ADAT1: variants seen among roughly 807,000 people sequenced by gnomAD.
The protein encoded by ADAT1 is tRNA-specific adenosine deaminase 1.
In ADAT1, 58 loss-of-function variants were observed where a neutral mutation model predicts 58.6. The ratio of observed to expected loss-of-function variants is 0.99; its 90% CI spans 0.80 to 1.23. The LOEUF is 1.23. Ranked by LOEUF, ADAT1 falls within the 50% of genes most tolerant of loss-of-function variation. ADAT1 has a pLI of 0.00. For missense variants in ADAT1, 741 were observed against 608.6 expected, an observed-to-expected ratio of 1.22 and a Z score of -2.29; for synonymous variants, 254 against 220.8, an observed-to-expected ratio of 1.15 and a Z score of -1.33.
chr16:75,611,233 C>G (rs79136331), intron 6 of ADAT1, among the ~76,000 whole-genome samples: 1 of 152,038 alleles, frequency 6.6e-6, no homozygotes, highest in Admixed American at 6.5e-5. Context: ...AAGAAAAAAA[C>G]CACCCATAAT....
At chr16:75,617,660 TAAAA>T (rs2081778636) in intron 4 of ADAT1, among the ~76,000 whole-genome samples, 1 of 146,226 alleles carries the variant, frequency 6.8e-6, no homozygotes, top group South Asian at 2.2e-4. Flanking sequence ...TTTAGAAAAA[TAAAA>T]AAGAAAGAAG....
Position 75,620,354 on chromosome 16 carries a change from C to A in ADAT1, c.170-20G>T, listed in dbSNP as rs367737620. On this transcript the variant is annotated intron_variant, in intron 2 of 9. Transcript: ENST00000564657. Reference sequence around the variant, plus strand: ...TTGTCACTGTGGGAAAAAAACAAATCGTGTGAGTTCTGAGAAACGGAATGT... The same window carrying A: ...TTGTCACTGTGGGAAAAAAACAAATAGTGTGAGTTCTGAGAAACGGAATGT... 4 of 1,613,332 alleles carry A rather than the reference C, an allele frequency of 2.5e-6. No homozygotes were observed. The highest frequency in any genetic ancestry group is 3.4e-6 in the Non-Finnish European group (4 of 1,179,330).
intron 9 of ADAT1, chr16:75,602,039 C>T (rs1160365393): frequency 6.6e-6 from 1 of 151,946 alleles, no homozygotes; most frequent in African/African-American, 2.4e-5. Flanking sequence ...TTCTGTTTAA[C>T]CAGGTGACTC....
intron 4 of ADAT1, among the ~76,000 whole-genome samples, chr16:75,617,702 G>C: frequency 6.6e-6 from 1 of 151,312 alleles, no homozygotes; most frequent in South Asian, 2.1e-4. Context: ...TTCCACCCTA[G>C]ATATGCTGAA....
intron 8 of ADAT1, among the ~76,000 whole-genome samples, chr16:75,605,035 T>G (rs1291089585): frequency 6.6e-6 from 1 of 152,200 alleles, no homozygotes; most frequent in Non-Finnish European, 1.5e-5. Context: ...AAGACCTTTA[T>G]GATGATCCAC....
chr16:75,604,370 T>C (rs1458503035), intron 8 of ADAT1, among the ~76,000 whole-genome samples: 2 of 139,774 alleles, frequency 1.4e-5, no homozygotes, highest in Non-Finnish European at 3.0e-5. Context: ...GAGGCAGAGG[T>C]TGCAGTGAGC....
chr16:75,601,170 A>G (rs1239096158), intron 9 of ADAT1, among the ~76,000 whole-genome samples: 2 of 151,508 alleles, frequency 1.3e-5, no homozygotes, highest in South Asian at 2.1e-4. Flanking sequence ...GTGAAACCCC[A>G]TCTCTACTAA....
At chr16:75,605,937 CAA>C (rs972557653) in intron 8 of ADAT1, among the ~76,000 whole-genome samples, 14 of 75,014 alleles carry the variant, frequency 1.9e-4, no homozygotes, top group Non-Finnish European at 1.5e-4. Flanking sequence ...AACTCTGTCT[CAA>C]AAAAAAAAAA....
intron 7 of ADAT1, 53 bp from the exon 8 acceptor site, chr16:75,608,376 C>A: frequency 1.4e-6 from 2 of 1,429,106 alleles, no homozygotes; most frequent in African/African-American, 2.8e-5. Context: ...TTGTGAAAGT[C>A]AGAAGTATTT....
At chr16:75,614,801 T>TTC (rs1328664622) in intron 5 of ADAT1, among the ~76,000 whole-genome samples, 4 of 152,198 alleles carry the variant, frequency 2.6e-5, no homozygotes, top group Non-Finnish European at 4.4e-5. Context: ...CTAGGTAATG[T>TTC]TCTCTCTCTC....
rs2081090076 is a variant in ADAT1, at chr16:75,597,181, T to C, written c.*3035A>G. On this transcript the variant is annotated 3_prime_UTR_variant, in exon 10 of 10. Transcript: ENST00000564657. ...GTGACTTTAGTTGGAAATAGAGTCTTTGCAGATCTAGTTAGTTAAGATGAA... is the reference window on the plus strand; with the variant it reads ...GTGACTTTAGTTGGAAATAGAGTCTCTGCAGATCTAGTTAGTTAAGATGAA... 4.4e-6 allele frequency: 1 copy of C among 224,948 alleles called. No homozygotes were observed. The highest frequency in any genetic ancestry group is 9.2e-6 in the Non-Finnish European group (1 of 108,440). The allele number at this position is 224,948 out of a possible 1,614,324, so 13.9% of individuals were successfully genotyped here.
chr16:75,600,153 G>C lies in ADAT1; in HGVS notation c.*63C>G. On this transcript the variant is annotated 3_prime_UTR_variant, in exon 10 of 10. Coordinates refer to ENST00000564657, the MANE Select transcript of ADAT1 (RefSeq NM_001324445.2). ...TTAACTACCAAAAAAGCTAAGACTT[G>C]TCCTGCGTGGAGGAAGGCAGTTCAG... 6.2e-7 allele frequency: 1 copy of C among 1,600,766 alleles called. No individual in the cohort carries two copies. Among genetic ancestry groups the C allele is most frequent in the Non-Finnish European group, 8.5e-7 (1 of 1,171,356 alleles).
At position 75,620,864 on chromosome 16, in the gene ADAT1, C is replaced by G. The variant is rs2081912537; in HGVS notation, c.-21-44G>C. The G allele has an allele frequency of 2.6e-6, 4 of 1,539,292 alleles. No homozygotes were observed. The African/African-American group carries it at 4.1e-5, about 16-fold the overall frequency. On this transcript the variant is annotated intron_variant, in intron 1 of 9. Transcript: ENST00000564657. Reference sequence around the variant, plus strand: ...CCATCAGAAGTACGGAAAGGAGAACCAGTGCACGATGCTACAGCCTCTCAT... The same window carrying G: ...CCATCAGAAGTACGGAAAGGAGAACGAGTGCACGATGCTACAGCCTCTCAT...
At position 75,597,552 on chromosome 16, in the gene ADAT1, G is replaced by A. The variant is rs1038231866; in HGVS notation, c.*2664C>T. ...GGGTGGGGATAGGGGGATAGTTTCG[G>A]GATGACTGAAGTGAATTACATTTAC... On this transcript the variant is annotated 3_prime_UTR_variant, in exon 10 of 10. Coordinates refer to ENST00000564657, the MANE Select transcript of ADAT1 (RefSeq NM_001324445.2). 2.0e-5 allele frequency among the ~76,000 whole-genome samples: 3 copies of A among 152,138 alleles called. No homozygotes were observed. Among genetic ancestry groups the A allele is most frequent in the African/African-American group, 7.2e-5 (3 of 41,426 alleles).
chr16:75,600,226 T>G lies in ADAT1; in HGVS notation c.1499A>C (p.Gln500Pro), dbSNP rs780006147. The G allele has an allele frequency of 1.2e-6, 2 of 1,614,214 alleles. No homozygotes were observed. Among genetic ancestry groups the G allele is most frequent in the East Asian group, 4.5e-5 (2 of 44,888 alleles). Residue 500 changes from glutamine to proline, a missense_variant, in exon 10 of 10, where the codon CAG (glutamine) becomes CCG (proline). Coordinates refer to ENST00000564657, the MANE Select transcript of ADAT1 (RefSeq NM_001324445.2). ...SWIRNPPDYH[Q>P]FK ...GCAAACATTTCCTTCTCACTTGAAC[T>G]GGTGATAATCCGGTGGGTTTCTGAT...
At chr16:75,612,965 AC>A in intron 5 of ADAT1, 104 bp from the exon 6 acceptor site, 2 of 1,402,994 alleles carry the variant, frequency 1.4e-6, no homozygotes, top group Non-Finnish European at 1.9e-6. Context: ...AACTCTTGGG[AC>A]CCACAGTAGA....
intron 5 of ADAT1, among the ~76,000 whole-genome samples, chr16:75,616,826 A>G (rs2081742358): frequency 6.6e-6 from 1 of 152,200 alleles, no homozygotes; most frequent in Non-Finnish European, 1.5e-5. Flanking sequence ...TCACTATAGG[A>G]TTTCCAAGCC....
intron 3 of ADAT1, chr16:75,619,803 C>T (rs541952917): frequency 1.8e-5 from 6 of 339,042 alleles, no homozygotes; most frequent in African/African-American, 4.4e-5. Flanking sequence ...GCAGGAGAAT[C>T]GCTTAAACCC....
chr16:75,606,521 T>C (rs895281157), intron 8 of ADAT1, among the ~76,000 whole-genome samples: 1 of 152,228 alleles, frequency 6.6e-6, no homozygotes, highest in African/African-American at 2.4e-5. Flanking sequence ...CTGAATACTC[T>C]GGTAGCCTTG....
Sources: gnomAD v4.1 joint callset for allele counts (sites outside exome capture counted in the v4.1 genomes callset) on GRCh38, gnomAD v4.1.1 for gene constraint, MANE v1.5 for transcripts, NCBI Gene and HGNC (gene_info 2026-07-23, HGNC 2026-07-21) for gene names.